HEATR6: variants seen among roughly 807,000 people sequenced by gnomAD.
HEATR6 encodes the protein HEAT repeat-containing protein 6.
HEATR6 carries 106 observed loss-of-function variants against 132.8 expected under a neutral mutation model. The ratio of observed to expected loss-of-function variants is 0.80; its 90% CI spans 0.68 to 0.94. HEATR6 has a LOEUF of 0.94. Ranked by LOEUF, HEATR6 falls within the 40% of genes least tolerant of loss-of-function variation. HEATR6 has a pLI of 0.00. For synonymous variants in HEATR6, 529 were observed against 537.8 expected (o/e 0.98, Z 0.23); for missense variants, 1,339 against 1,425.1 (o/e 0.94, Z 0.97).
Position 60,044,025 on chromosome 17 carries a change from C to T in HEATR6, c.3084G>A (p.Gly1028=), listed in dbSNP as rs759736167. Residue 1028 remains glycine, a synonymous_variant, in exon 20 of 20, where the codon GGG becomes GGA. Coordinates refer to ENST00000184956, the MANE Select transcript of HEATR6 (RefSeq NM_022070.5). ...CAACAGACCCGTACTGCTCTCTCTT[C>T]CCCGGGACGGAAAGGGCAGCTGCAG... ...IRSAAALSVP[G]KREQYGSVDQ... 3 of 1,614,164 alleles carry T rather than the reference C, an allele frequency of 1.9e-6. No homozygotes were observed. The highest frequency in any genetic ancestry group is 1.1e-5 in the South Asian group (1 of 91,090).
At chr17:60,057,813 G>T (rs937083611) in intron 11 of HEATR6, among the ~76,000 whole-genome samples, 1 of 152,174 alleles carries the variant, frequency 6.6e-6, no homozygotes, top group African/African-American at 2.4e-5. Context: ...TTTTTAAAAA[G>T]CTAAAAGGTC....
intron 11 of HEATR6, among the ~76,000 whole-genome samples, chr17:60,059,068 A>G (rs931979094): frequency 6.6e-6 from 1 of 152,182 alleles, no homozygotes; most frequent in Non-Finnish European, 1.5e-5. Context: ...CTGTCTGTCT[A>G]TCTAACCATC....
chr17:60,076,482 C>T (rs1244670782), intron 1 of HEATR6: 3 of 409,584 alleles, frequency 7.3e-6, no homozygotes, highest in Non-Finnish European at 1.3e-5. Flanking sequence ...GGGAGGACTG[C>T]TTGAGCCCAG....
intron 1 of HEATR6, among the ~76,000 whole-genome samples, chr17:60,078,234 G>A (rs1157260140): frequency 6.6e-6 from 1 of 152,148 alleles, no homozygotes; most frequent in Admixed American, 6.5e-5. Flanking sequence ...AAACATAGGG[G>A]CTTTGTGGCA....
At chr17:60,060,149 C>T (rs186791269) in intron 9 of HEATR6, 53 bp from the exon 10 acceptor site, 1 of 1,177,250 alleles carries the variant, frequency 8.5e-7, no homozygotes, top group Non-Finnish European at 1.3e-6. Context: ...GAGTCAGATT[C>T]CCTTCTTCCT....
intron 9 of HEATR6, 69 bp from the exon 10 acceptor site, chr17:60,060,165 T>C: frequency 1.0e-6 from 1 of 997,184 alleles, no homozygotes; most frequent in East Asian, 2.4e-5. Flanking sequence ...TTCCTATACA[T>C]ATTTAATGTT....
rs1278148554 is a variant in HEATR6, at chr17:60,041,620, T to G, written c.*1943A>C. On this transcript the variant is annotated 3_prime_UTR_variant, in exon 20 of 20. Coordinates refer to ENST00000184956, the MANE Select transcript of HEATR6 (RefSeq NM_022070.5). Reference sequence around the variant, plus strand: ...AAGCAATTTAAGGGAACATTCAATATGGGTGTCTTTGCTGTGCTTGCAGTC... The same window carrying G: ...AAGCAATTTAAGGGAACATTCAATAGGGGTGTCTTTGCTGTGCTTGCAGTC... Among the ~76,000 whole-genome samples the G allele has an allele frequency of 1.3e-5, 2 of 152,192 alleles. No homozygotes were observed.
chr17:60,075,840 C>CAA (rs772457086), intron 2 of HEATR6: 57 of 61,318 alleles, frequency 9.3e-4, no homozygotes, highest in South Asian at 2.3e-3. Flanking sequence ...AACTCTGTCT[C>CAA]AAAAAAAAAA....
In HEATR6 at chr17:60,066,235, G is replaced by C; in HGVS notation, c.1390C>G (p.Leu464Val). 1 of 1,613,710 alleles carries C rather than the reference G, an allele frequency of 6.2e-7. No homozygotes were observed. The stretch of plus-strand genomic sequence containing the variant: ...TTTGGAGAAGGGTCTTTCAATGTAA[G>C]AGTCATCAAGGACACTGACTGTGGG... The part of the protein sequence containing the change: ...GSPQSVSLMT[L>V]TLKDPSPKTR... The change falls in exon 9 of 20, where the codon CTT (leucine) becomes GTT (valine). Residue 464 changes from leucine to valine, a missense_variant. Leu to Val is a conservative substitution (Grantham distance 32). Transcript: ENST00000184956.
intron 11 of HEATR6, among the ~76,000 whole-genome samples, chr17:60,057,615 T>C (rs974513986): frequency 1.3e-5 from 2 of 152,202 alleles, no homozygotes; most frequent in Admixed American, 6.5e-5. Flanking sequence ...ATGTGATTTA[T>C]TTTGTTATCT....
At chr17:60,060,675 A>G (rs2083205615) in intron 9 of HEATR6, among the ~76,000 whole-genome samples, 2 of 152,244 alleles carry the variant, frequency 1.3e-5, no homozygotes, top group South Asian at 4.1e-4. Context: ...ATTATGCCTC[A>G]TATTCCACTC....
intron 14 of HEATR6, among the ~76,000 whole-genome samples, chr17:60,054,416 C>T (rs549671897): frequency 6.6e-6 from 1 of 152,336 alleles, no homozygotes; most frequent in Admixed American, 6.5e-5. Context: ...GGTTGGAGCC[C>T]CTACACACGG....
chr17:60,071,997 C>A (rs1294688854), intron 5 of HEATR6, among the ~76,000 whole-genome samples: 1 of 152,154 alleles, frequency 6.6e-6, no homozygotes, highest in East Asian at 1.9e-4. Flanking sequence ...GAATAGTTTC[C>A]TCTAAAAATC....
Position 60,049,802 on chromosome 17 carries a change from C to A in HEATR6, c.2425-100G>T. 1 of 1,368,360 alleles carries A rather than the reference C, an allele frequency of 7.3e-7. No homozygotes were observed. Among genetic ancestry groups the A allele is most frequent in the Non-Finnish European group, 1.0e-6 (1 of 989,806 alleles). The allele number at this position is 1,368,360 out of a possible 1,614,324, so 84.8% of individuals were successfully genotyped here. A position where few individuals can be genotyped will look rare whatever the true frequency, so the allele number is the denominator to read the frequency against. ...AAATATCTGTGTCTGAGACCATAAT[C>A]AGGAGTTGAACACCATTGCGACCTT... On this transcript the variant is annotated intron_variant, in intron 15 of 19. Coordinates refer to ENST00000184956, the MANE Select transcript of HEATR6 (RefSeq NM_022070.5).
At chr17:60,062,799 C>A (rs750609585) in intron 9 of HEATR6, among the ~76,000 whole-genome samples, 3 of 152,156 alleles carry the variant, frequency 2.0e-5, no homozygotes, top group Non-Finnish European at 4.4e-5. Context: ...AGCATTCTCA[C>A]GTGTTGTGGG....
chr17:60,043,386 A>G lies in HEATR6; in HGVS notation c.*177T>C. 3.3e-6 allele frequency: 2 copies of G among 611,684 alleles called. No individual in the cohort carries two copies. The highest frequency in any genetic ancestry group is 5.7e-6 in the Non-Finnish European group (2 of 348,694). The allele number at this position is 611,684 out of a possible 1,614,324, so 37.9% of individuals were successfully genotyped here. A position where few individuals can be genotyped will look rare whatever the true frequency, so the allele number is the denominator to read the frequency against. On this transcript the variant is annotated 3_prime_UTR_variant, in exon 20 of 20. Transcript: ENST00000184956. ...AACAACCCTGACCATGGCCAGTGCT[A>G]TGGAGTCACTCCAAAGGTGGTTGAG...
intron 7 of HEATR6, among the ~76,000 whole-genome samples, chr17:60,068,492 C>A (rs2083254001): frequency 6.7e-6 from 1 of 150,106 alleles, no homozygotes; most frequent in Non-Finnish European, 1.5e-5. Flanking sequence ...TGACACAAAT[C>A]TGATCACATC....
In HEATR6 at chr17:60,043,706, C is replaced by A; in HGVS notation, c.3403G>T (p.Ala1135Ser). ...PQERDQMVRM[A>S]LKHMGSIQAP... ...TGGATGCTGCCCATGTGTTTAAGGG[C>A]CATTCTGACCATCTGGTCTCTTTCC... Residue 1135 changes from alanine to serine, a missense_variant, in exon 20 of 20, where the codon GCC (alanine) becomes TCC (serine). Transcript: ENST00000184956. The A allele has an allele frequency of 1.9e-6, 3 of 1,614,150 alleles. No homozygotes were observed. Among genetic ancestry groups the A allele is most frequent in the Non-Finnish European group, 2.5e-6 (3 of 1,180,032 alleles).
At chr17:60,070,872 A>G in intron 5 of HEATR6, 65 bp from the exon 6 acceptor site, 1 of 850,122 alleles carries the variant, frequency 1.2e-6, no homozygotes, top group Middle Eastern at 2.2e-4. Flanking sequence ...GAATCAACTT[A>G]CTAGCACCAC....
Sources: gnomAD v4.1 joint callset for allele counts (sites outside exome capture counted in the v4.1 genomes callset) on GRCh38, gnomAD v4.1.1 for gene constraint, MANE v1.5 for transcripts, NCBI Gene and HGNC (gene_info 2026-07-23, HGNC 2026-07-21) for gene names.